The following DMD variants were observed in gnomAD, a reference collection of about 807,000 sequenced individuals.
The protein encoded by DMD is mutant dystrophin.
A neutral mutation model predicts 330.1 loss-of-function variants in DMD; 63 were observed. The ratio of observed to expected loss-of-function variants is 0.19; its 90% CI spans 0.16 to 0.24. The LOEUF is 0.24. Among genes scored for constraint, DMD ranks in the 10% least tolerant of loss-of-function variants. DMD has a pLI of 1.00. For missense variants in DMD, 3,344 were observed against 2,684.1 expected (o/e 1.25, Z -5.43); for synonymous variants, 1,223 against 959.8 (o/e 1.27, Z -5.07).
chrX:31,722,113 ATTAT>A (rs201658216), intron 52 of DMD, among the ~76,000 whole-genome samples: 10 of 106,899 alleles, frequency 9.4e-5, no homozygotes, highest in East Asian at 2.9e-4. Flanking sequence ...TTTCTTTTTT[ATTAT>A]TTATTTATTT....
chrX:32,395,317 A>C (rs1603632453), intron 30 of DMD, among the ~76,000 whole-genome samples: 1 of 111,659 alleles, frequency 9.0e-6, no homozygotes, highest in South Asian at 3.8e-4. Flanking sequence ...CTATACTTAC[A>C]GAAGCCTTAT....
chrX:32,572,313 T>C (rs2052513205), intron 15 of DMD, among the ~76,000 whole-genome samples: 1 of 111,808 alleles, frequency 8.9e-6, no homozygotes, highest in Non-Finnish European at 1.9e-5. Flanking sequence ...TACTTAAGTT[T>C]AGAAATTATT....
At chrX:31,449,623 C>T (rs920498618) in intron 59 of DMD, among the ~76,000 whole-genome samples, 6 of 107,417 alleles carry the variant, frequency 5.6e-5, no homozygotes, top group Non-Finnish European at 9.6e-5. Context: ...GTAGAGGGGT[C>T]AGTTGTAGAA....
At chrX:32,256,149 C>T (rs905605118) in intron 43 of DMD, among the ~76,000 whole-genome samples, 16 of 110,613 alleles carry the variant, frequency 1.4e-4, no homozygotes, top group Non-Finnish European at 2.3e-4. Flanking sequence ...ACTTGCTTTA[C>T]GAATCTGGGT....
intron 50 of DMD, among the ~76,000 whole-genome samples, chrX:31,782,954 T>A (rs1170030675): frequency 9.0e-6 from 1 of 111,393 alleles, no homozygotes; most frequent in Non-Finnish European, 1.9e-5. Context: ...GACCTTTGTA[T>A]ATGAAAAAAG....
At chrX:32,529,045 C>T (rs1027892782) in intron 17 of DMD, among the ~76,000 whole-genome samples, 1 of 107,557 alleles carries the variant, frequency 9.3e-6, no homozygotes, top group African/African-American at 3.4e-5. Context: ...CCTCAGCCTC[C>T]CGAGTAGCTG....
chrX:32,110,901 T>C (rs1260530797), intron 44 of DMD, among the ~76,000 whole-genome samples: 1 of 111,774 alleles, frequency 8.9e-6, no homozygotes, highest in Non-Finnish European at 1.9e-5. Context: ...AAAAAGAAAG[T>C]GAGCATCTCC....
intron 44 of DMD, among the ~76,000 whole-genome samples, chrX:32,191,446 A>G (rs1014588807): frequency 1.8e-5 from 2 of 112,130 alleles, no homozygotes; most frequent in African/African-American, 6.5e-5. Context: ...TATTCATTAC[A>G]TGAAGGAACA....
rs189136027 is a variant in DMD, at chrX:32,701,721, G to C, written c.650-2428C>G. Among the ~76,000 whole-genome samples the C allele has an allele frequency of 1.5e-4, 17 of 111,369 alleles. No individual in the cohort carries two copies. In the East Asian group the frequency reaches 4.8e-3, roughly 31 times the overall value. ...TGAGCCTGTGCCTATTCACTGCTGT[G>C]TTATACATAGACACATGCATGTATG... is the stretch of plus-strand genomic sequence containing the variant. On this transcript the variant is annotated intron_variant, in intron 7 of 78. Transcript: ENST00000357033.
chrX:31,246,742 A>G (rs761309611), intron 63 of DMD, among the ~76,000 whole-genome samples: 2 of 111,526 alleles, frequency 1.8e-5, no homozygotes, highest in East Asian at 2.8e-4. Flanking sequence ...CCTGGCCAAC[A>G]TGGTGAAACC....
At chrX:32,191,340 G>A (rs753954910) in intron 44 of DMD, among the ~76,000 whole-genome samples, 1 of 111,987 alleles carries the variant, frequency 8.9e-6, no homozygotes, top group Non-Finnish European at 1.9e-5. Context: ...TCATTACCTA[G>A]ATGACACAGC....
At chrX:32,860,817 T>C (rs983101215) in intron 2 of DMD, among the ~76,000 whole-genome samples, 1 of 111,151 alleles carries the variant, frequency 9.0e-6, no homozygotes, top group Admixed American at 9.7e-5. Context: ...GAATGGCCAC[T>C]ATGACGACTT....
At chrX:32,776,836 G>A (rs761986097) in intron 7 of DMD, among the ~76,000 whole-genome samples, 1 of 111,752 alleles carries the variant, frequency 8.9e-6, no homozygotes, top group Non-Finnish European at 1.9e-5. Flanking sequence ...CTAAACCACT[G>A]ATGTTCTCAA....
At chrX:32,400,004 A>C (rs2098074771) in intron 30 of DMD, among the ~76,000 whole-genome samples, 1 of 111,069 alleles carries the variant, frequency 9.0e-6, no homozygotes, top group Admixed American at 9.6e-5. Context: ...GTTGAATAGG[A>C]GTGGTGAGAG....
At chrX:33,223,968 G>T (rs1306583439) in intron 1 of DMD, among the ~76,000 whole-genome samples, 2 of 112,056 alleles carry the variant, frequency 1.8e-5, no homozygotes, top group Non-Finnish European at 3.8e-5. Flanking sequence ...ATGGAAAACA[G>T]GCGTATGAAA....
Position 31,574,134 on chromosome X carries a change from G to GTT in DMD, c.8217+53537_8217+53538dup, listed in dbSNP as rs748095057. Among the ~76,000 whole-genome samples, 174 of 83,092 alleles carry GTT rather than the reference G, an allele frequency of 2.1e-3. 4 individuals are homozygous for GTT. Among genetic ancestry groups the GTT allele is most frequent in the Middle Eastern group, 0.019 (3 of 157 alleles). The allele number at this position is 83,092 out of a possible 115,157, so 72.2% of individuals were successfully genotyped here. ...TTCCAGTGCAAAGGATGATCTGTTT[G>GTT]TTTTTTTTTTTGTTTTTTTTTTTTT... On this transcript the variant is annotated intron_variant, in intron 55 of 78. Coordinates refer to ENST00000357033, the MANE Select transcript of DMD (RefSeq NM_004006.3).
At chrX:31,249,739 G>A (rs999376554) in intron 63 of DMD, among the ~76,000 whole-genome samples, 2 of 110,491 alleles carry the variant, frequency 1.8e-5, no homozygotes, top group Non-Finnish European at 3.8e-5. Context: ...CTAAACCTAG[G>A]TGTCTCTCAC....
At chrX:31,519,603 G>C (rs974138001) in intron 55 of DMD, among the ~76,000 whole-genome samples, 14 of 111,575 alleles carry the variant, frequency 1.3e-4, no homozygotes, top group African/African-American at 4.6e-4. Context: ...GTTTACAATA[G>C]GTTAATGATA....
intron 11 of DMD, among the ~76,000 whole-genome samples, chrX:32,630,628 T>C (rs1180354557): frequency 9.0e-6 from 1 of 111,686 alleles, no homozygotes; most frequent in Non-Finnish European, 1.9e-5. Flanking sequence ...GACGCATTCT[T>C]CAGTATGTCA....
Sources: gnomAD v4.1 joint callset for allele counts (sites outside exome capture counted in the v4.1 genomes callset) on GRCh38, gnomAD v4.1.1 for gene constraint, MANE v1.5 for transcripts, NCBI Gene and HGNC (gene_info 2026-07-23, HGNC 2026-07-21) for gene names.